Variants in SDC2 observed in about 807,000 individuals in gnomAD.
SDC2 encodes syndecan-2.
SDC2 carries 13 observed loss-of-function variants against 22.2 expected under a neutral mutation model. The observed-to-expected ratio is 0.59, with a 90% CI of 0.38 to 0.93. SDC2 has a LOEUF of 0.93. Among genes scored for constraint, SDC2 ranks in the 40% least tolerant of loss-of-function variants. The pLI is 0.00. For synonymous variants in SDC2, 94 were observed against 92.8 expected (o/e 1.01, Z -0.07); for missense variants, 235 against 246.8 (o/e 0.95, Z 0.32).
At chr8:96,573,386 G>A (rs1295805586) in intron 1 of SDC2, among the ~76,000 whole-genome samples, 5 of 5,236 alleles carry the variant, frequency 9.5e-4, no homozygotes. Context: ...TTCATGTGTG[G>A]GTGATGAAGG....
chr8:96,590,628 T>A lies in SDC2; in HGVS notation c.61-2852T>A, dbSNP rs181805732. Among the ~76,000 whole-genome samples, 227 of 151,210 alleles carry A rather than the reference T, an allele frequency of 1.5e-3. 5 individuals are homozygous for A. The East Asian group carries it at 0.034, about 23-fold the overall frequency. ...AAGGAATTTGTCATGAGCGCAGGGGTTTTTTTTTATTTTTTATTTTTTAAA... is the reference window on the plus strand; with the variant it reads ...AAGGAATTTGTCATGAGCGCAGGGGATTTTTTTTATTTTTTATTTTTTAAA... On this transcript the variant is annotated intron_variant, in intron 1 of 4. Transcript: ENST00000302190.
intron 1 of SDC2, among the ~76,000 whole-genome samples, chr8:96,516,277 C>G (rs886495887): frequency 6.6e-6 from 1 of 152,140 alleles, no homozygotes; most frequent in African/African-American, 2.4e-5. Context: ...AAATGTGACA[C>G]TGAGCTAAAG....
chr8:96,536,052 C>T (rs186334799), intron 1 of SDC2, among the ~76,000 whole-genome samples: 6 of 152,102 alleles, frequency 3.9e-5, no homozygotes, highest in South Asian at 2.1e-4. Flanking sequence ...TGAGGACTAC[C>T]GAAGTAATCA....
intron 1 of SDC2, among the ~76,000 whole-genome samples, chr8:96,501,146 A>C (rs542581026): frequency 2.6e-5 from 4 of 152,180 alleles, no homozygotes; most frequent in African/African-American, 9.6e-5. Context: ...TTATGATTAC[A>C]CAGGTATATT....
chr8:96,527,951 C>T (rs931736272), intron 1 of SDC2, among the ~76,000 whole-genome samples: 1 of 152,136 alleles, frequency 6.6e-6, no homozygotes, highest in Non-Finnish European at 1.5e-5. Flanking sequence ...GAAACTTCTA[C>T]TACCAAATAT....
chr8:96,583,717 G>A (rs397826755), intron 1 of SDC2, among the ~76,000 whole-genome samples: 131 of 116,730 alleles, frequency 1.1e-3, no homozygotes, highest in African/African-American at 3.2e-3. Flanking sequence ...GTGTGTGTGT[G>A]TATATATATA....
intron 1 of SDC2, among the ~76,000 whole-genome samples, chr8:96,516,716 G>C (rs1316685772): frequency 6.6e-6 from 1 of 152,146 alleles, no homozygotes; most frequent in African/African-American, 2.4e-5. Context: ...CTTTCAGTTA[G>C]CATGTTTTCA....
rs971556534 is a variant in SDC2, at chr8:96,494,184, G to A, written c.-88G>A. The A allele has an allele frequency of 2.9e-6, 4 of 1,366,042 alleles. No individual in the cohort carries two copies. In the Admixed American group the frequency reaches 8.4e-5, roughly 29 times the overall value. 84.6% of individuals were successfully genotyped at this position (1,366,042 alleles called of 1,614,324 possible). On this transcript the variant is annotated 5_prime_UTR_variant, in exon 1 of 5. In the 5' UTR this introduces an upstream ATG that the reference lacks. Coordinates refer to ENST00000302190, the MANE Select transcript of SDC2 (RefSeq NM_002998.4). ...CTGCGGTACTCTGCTCCGGATTCGTGTGCGCGGGCTGCGCCGAGCGCTGGG... is the reference window on the plus strand; with the variant it reads ...CTGCGGTACTCTGCTCCGGATTCGTATGCGCGGGCTGCGCCGAGCGCTGGG...
chr8:96,578,963 C>T (rs900603134), intron 1 of SDC2, among the ~76,000 whole-genome samples: 1 of 152,194 alleles, frequency 6.6e-6, no homozygotes, highest in Non-Finnish European at 1.5e-5. Context: ...GAATGTGAAA[C>T]CTGAATGCGT....
rs78147725 is a variant in SDC2 at position 96,589,418 on chromosome 8, T to C, written c.61-4062T>C. Among the ~76,000 whole-genome samples the C allele has an allele frequency of 3.7e-4, 56 of 151,986 alleles. 1 individual carries two copies. The East Asian group carries it at 9.9e-3, about 27-fold the overall frequency. On this transcript the variant is annotated intron_variant, in intron 1 of 4. Transcript: ENST00000302190. ...TGTTTGTTTGTTTGTTTGTTTGTTG[T>C]TTGTTTTTTGAGACAGAGTCTCCTT...
intron 1 of SDC2, among the ~76,000 whole-genome samples, chr8:96,571,411 T>C (rs542360841): frequency 2.3e-4 from 35 of 152,306 alleles, no homozygotes; most frequent in African/African-American, 7.5e-4. Context: ...CGGGGTCTTA[T>C]GGGCTTGAAT....
At chr8:96,546,967 G>A (rs1338974039) in intron 1 of SDC2, among the ~76,000 whole-genome samples, 1 of 152,194 alleles carries the variant, frequency 6.6e-6, no homozygotes, top group Non-Finnish European at 1.5e-5. Context: ...TGTGAATTCT[G>A]TCTGCTGATG....
chr8:96,595,984 G>C (rs181888525), intron 2 of SDC2, among the ~76,000 whole-genome samples: 2 of 152,162 alleles, frequency 1.3e-5, no homozygotes, highest in Non-Finnish European at 2.9e-5. Flanking sequence ...CACTGAGCTG[G>C]GAGTGTTGTT....
chr8:96,508,492 CAAAAAAAAGA>C lies in SDC2; in HGVS notation c.60+14172_60+14181del, dbSNP rs980322395. 2.3e-4 allele frequency among the ~76,000 whole-genome samples: 31 copies of C among 137,268 alleles called. 6 individuals are homozygous for C. The highest frequency in any genetic ancestry group is 4.7e-4 in the Non-Finnish European group (29 of 61,068). 90.1% of individuals were successfully genotyped at this position (137,268 alleles called of 152,430 possible). A position where few individuals can be genotyped will look rare whatever the true frequency, so the allele number is the denominator to read the frequency against. Reference sequence around the variant, plus strand: ...TGGGTGACAGAGCAAGACTCCATCTCAAAAAAAAGAAAAAAAAAGATTATTGGTTTATAAA... The same window carrying C: ...TGGGTGACAGAGCAAGACTCCATCTCAAAAAAAAGATTATTGGTTTATAAA... On this transcript the variant is annotated intron_variant, in intron 1 of 4. Coordinates refer to ENST00000302190, the MANE Select transcript of SDC2 (RefSeq NM_002998.4).
At chr8:96,583,465 C>T (rs1244078055) in intron 1 of SDC2, among the ~76,000 whole-genome samples, 1 of 134,124 alleles carries the variant, frequency 7.5e-6, no homozygotes, top group African/African-American at 2.9e-5. Flanking sequence ...TTTATTTGCA[C>T]AGTTGATGTC....
chr8:96,605,582 C>T (rs892432532), intron 3 of SDC2, among the ~76,000 whole-genome samples: 13 of 152,212 alleles, frequency 8.5e-5, no homozygotes, highest in African/African-American at 1.9e-4. Context: ...ATAGAAAGGA[C>T]GGTGACATTT....
chr8:96,576,138 C>T (rs747536134), intron 1 of SDC2, among the ~76,000 whole-genome samples: 1 of 152,056 alleles, frequency 6.6e-6, no homozygotes, highest in Non-Finnish European at 1.5e-5. Context: ...AGTCAGCTAA[C>T]TACAGGCTAG....
At chr8:96,578,738 A>G (rs945910381) in intron 1 of SDC2, among the ~76,000 whole-genome samples, 1 of 152,224 alleles carries the variant, frequency 6.6e-6, no homozygotes, top group African/African-American at 2.4e-5. Flanking sequence ...GCCCTTGATC[A>G]GCTAGTGTTA....
chr8:96,519,386 A>T (rs1399334846), intron 1 of SDC2, among the ~76,000 whole-genome samples: 1 of 152,244 alleles, frequency 6.6e-6, no homozygotes, highest in Admixed American at 6.5e-5. Flanking sequence ...TCCACGTTAC[A>T]GAAATTTTTC....
Sources: allele counts gnomAD v4.1 joint callset (sites outside exome capture counted in the v4.1 genomes callset), GRCh38; gene constraint gnomAD v4.1.1; transcripts MANE v1.5; gene names NCBI Gene and HGNC (gene_info 2026-07-23, HGNC 2026-07-21).